RRM2: variants seen among roughly 807,000 people sequenced by gnomAD.
RRM2 encodes ribonucleotide reductase regulatory subunit M2, also known as ribonucleoside-diphosphate reductase subunit M2.
In RRM2, 6 loss-of-function variants were observed where a neutral mutation model predicts 45.9. The observed-to-expected ratio is 0.13, with a 90% confidence interval of 0.07 to 0.26. The LOEUF (loss-of-function observed/expected upper bound fraction) is 0.26, where lower values mean the gene tolerates loss of function less well. RRM2 is among the 10% of genes least tolerant of loss of function. The pLI is 1.00. For synonymous variants in RRM2, 177 were observed against 173.0 expected (o/e 1.02, Z -0.18); for missense variants, 343 against 489.5 (o/e 0.70, Z 2.82).
chr2:10,123,698 C>T (rs760863372), intron 3 of RRM2, 38 bp from the exon 4 acceptor site: 1 of 1,446,968 alleles, frequency 6.9e-7, no homozygotes, highest in African/African-American at 1.4e-5. Flanking sequence ...GCTTTACTCT[C>T]TTCCTTTTAT....
At chr2:10,143,556 G>A (rs1663128303) in intron 3 of RRM2, among the ~76,000 whole-genome samples, 1 of 152,250 alleles carries the variant, frequency 6.6e-6, no homozygotes, top group African/African-American at 2.4e-5. Context: ...CGCAGGGGAA[G>A]CTGCTGTGTC....
Position 10,169,718 on chromosome 2 carries a change from G to A in RRM2, n.482+27343G>A, listed in dbSNP as rs1236680549. On this transcript the variant is annotated intron_variant and non_coding_transcript_variant, in intron 3 of 3. Coordinates refer to the RRM2 transcript ENST00000381786. This position sits in a 1 kb window ranked among gnomAD's most constrained non-coding sequence, Gnocchi z 5.1. ...GAGTGCTCATGCCATGAAAATGAGT[G>A]TCTCTGAGTTTGGAGAGCTGGCCTC... 6.6e-6 allele frequency among the ~76,000 whole-genome samples: 1 copy of A among 152,170 alleles called. No individual in the cohort carries two copies. Among genetic ancestry groups the A allele is most frequent in the East Asian group, 1.9e-4 (1 of 5,184 alleles).
chr2:10,150,445 C>CAAAAAAAA (rs564823462), intron 3 of RRM2, among the ~76,000 whole-genome samples: 1 of 84,446 alleles, frequency 1.2e-5, no homozygotes, highest in African/African-American at 3.9e-5. Flanking sequence ...GACTCTGCCT[C>CAAAAAAAA]AAAAAAAAAA....
chr2:10,176,790 A>G (rs549088537), intron 3 of RRM2, among the ~76,000 whole-genome samples: 3 of 152,332 alleles, frequency 2.0e-5, no homozygotes, highest in African/African-American at 7.2e-5. Flanking sequence ...CACTGTGGCT[A>G]TTATGAATAA....
intron 3 of RRM2, 80 bp downstream of exon 3, chr2:10,123,610 G>A: frequency 6.5e-7 from 1 of 1,539,414 alleles, no homozygotes; most frequent in Non-Finnish European, 8.8e-7. Context: ...GTTCCCGTTG[G>A]CAAGGGGGGC....
chr2:10,122,665 C>T (rs762056233), upstream of RRM2: 5 of 1,549,162 alleles, frequency 3.2e-6, no homozygotes, highest in African/African-American at 2.7e-5. Flanking sequence ...AGGGCCGGGG[C>T]ACCAAAGCCA....
At chr2:10,160,762 C>T (rs1177633578) in intron 3 of RRM2, among the ~76,000 whole-genome samples, 1 of 152,242 alleles carries the variant, frequency 6.6e-6, no homozygotes, top group East Asian at 1.9e-4. Flanking sequence ...CAGGACACTG[C>T]ACCATGCAGC....
intron 1 of RRM2, 27 bp downstream of exon 1, chr2:10,122,924 G>A: frequency 6.4e-7 from 1 of 1,555,514 alleles, no homozygotes; most frequent in South Asian, 1.2e-5. Flanking sequence ...GGCGCTGCGG[G>A]CAGGGGAGGG....
At chr2:10,206,211 A>T (rs1318004345) in intron 3 of RRM2, among the ~76,000 whole-genome samples, 1 of 148,222 alleles carries the variant, frequency 6.7e-6, no homozygotes, top group Admixed American at 6.9e-5. Flanking sequence ...GCACCACTGT[A>T]CTCCAGCCTG....
intron 3 of RRM2, among the ~76,000 whole-genome samples, chr2:10,144,255 C>T (rs1054663607): frequency 6.6e-6 from 1 of 152,152 alleles, no homozygotes; most frequent in African/African-American, 2.4e-5. Context: ...CAGGAGCCGG[C>T]GTCTGAGGCA....
In RRM2 at chr2:10,205,202, C is replaced by A. The variant is rs138890015; in HGVS notation, n.483-5109C>A. Among the ~76,000 whole-genome samples, 194 of 152,224 alleles carry A rather than the reference C, an allele frequency of 1.3e-3. 1 individual carries two copies. Among genetic ancestry groups the A allele is most frequent in the Admixed American group, 2.4e-3 (36 of 15,290 alleles). On this transcript the variant is annotated intron_variant and non_coding_transcript_variant, in intron 3 of 3. Transcript: ENST00000381786. This position sits in a 1 kb window ranked among gnomAD's most constrained non-coding sequence, Gnocchi z 4.8. ...GAGACTTAGAGAAATGAGGAGGGGG[C>A]GTGGAGCAGGGGCTGAGGCCTGAGC...
chr2:10,122,668 C>T, upstream of RRM2: 1 of 1,549,760 alleles, frequency 6.5e-7, no homozygotes, highest in Non-Finnish European at 8.7e-7. Flanking sequence ...GCCGGGGCAC[C>T]AAAGCCAATG....
chr2:10,142,097 T>C (rs1274703002), intron 2 of RRM2: 5 of 1,586,460 alleles, frequency 3.2e-6, no homozygotes, highest in Non-Finnish European at 4.3e-6. Flanking sequence ...GAAAGCATGT[T>C]TCAGGCGGAG....
intron 3 of RRM2, among the ~76,000 whole-genome samples, chr2:10,183,827 C>T (rs1192158969): frequency 7.5e-5 from 11 of 147,580 alleles, no homozygotes; most frequent in East Asian, 4.1e-4. Context: ...CGGTGGCTCA[C>T]GCCTGTAATC....
At chr2:10,208,407 A>T (rs893105149) in intron 3 of RRM2, among the ~76,000 whole-genome samples, 1 of 152,198 alleles carries the variant, frequency 6.6e-6, no homozygotes, top group Admixed American at 6.5e-5. Flanking sequence ...GGCAGGAATA[A>T]ACAATTCTGA....
intron 3 of RRM2, among the ~76,000 whole-genome samples, chr2:10,203,008 T>C (rs1025136289): frequency 3.9e-5 from 6 of 152,204 alleles, no homozygotes; most frequent in Non-Finnish European, 8.8e-5. Flanking sequence ...GAAAGAACAG[T>C]GAGCGTTCAG....
At chr2:10,155,064 A>G (rs1387292888) in intron 3 of RRM2, 1 of 201,256 alleles carries the variant, frequency 5.0e-6, no homozygotes, top group Non-Finnish European at 1.0e-5. Flanking sequence ...GTGGCTTTAT[A>G]TTCAAGACCA....
chr2:10,203,596 C>T (rs1355936382), intron 3 of RRM2, among the ~76,000 whole-genome samples: 1 of 152,042 alleles, frequency 6.6e-6, no homozygotes, highest in Admixed American at 6.6e-5. Context: ...ACTAAAAATA[C>T]AAAACTTAGC....
chr2:10,176,682 C>T (rs764320655), intron 3 of RRM2, among the ~76,000 whole-genome samples: 2 of 152,216 alleles, frequency 1.3e-5, no homozygotes. Context: ...GTGTACAGCA[C>T]AAGTTTGTTT....
Sources: gnomAD v4.1 joint callset for allele counts (sites outside exome capture counted in the v4.1 genomes callset) on GRCh38, gnomAD v4.1.1 for gene constraint, Gnocchi (gnomAD v3.1) non-coding constraint, MANE v1.5 for transcripts, NCBI Gene and HGNC (gene_info 2026-07-23, HGNC 2026-07-21) for gene names.